SEH1L: variants seen among roughly 807,000 people sequenced by gnomAD.
SEH1L encodes nucleoporin SEH1.
SEH1L carries 18 observed loss-of-function variants against 49.5 expected under a neutral mutation model. The observed-to-expected ratio is 0.36, with a 90% CI of 0.25 to 0.54. The LOEUF is 0.54. Ranked by LOEUF, SEH1L falls within the 20% of genes least tolerant of loss-of-function variation. The probability of loss-of-function intolerance (pLI) is 0.87; values close to 1 mark genes in which losing one functional copy is unlikely to be tolerated. For missense variants in SEH1L, 404 were observed against 528.8 expected (o/e 0.76, Z 2.31); for synonymous variants, 169 against 178.1 (o/e 0.95, Z 0.41).
intron 5 of SEH1L, chr18:12,977,738 C>G (rs1310084726): frequency 6.6e-6 from 1 of 152,010 alleles, no homozygotes; most frequent in African/African-American, 2.4e-5. Context: ...ATTCCTGTTA[C>G]CAGCTTTACT....
At chr18:12,979,034 TG>T in intron 6 of SEH1L, 142 bp downstream of exon 6, 1 of 803,008 alleles carries the variant, frequency 1.2e-6, no homozygotes, top group South Asian at 1.8e-5. Context: ...AACTTTGAAA[TG>T]TTTTTTAAAA....
At chr18:12,960,920 A>G (rs539336317) in intron 3 of SEH1L, among the ~76,000 whole-genome samples, 1 of 152,230 alleles carries the variant, frequency 6.6e-6, no homozygotes, top group Non-Finnish European at 1.5e-5. Context: ...TTAGAGCCAG[A>G]GTGGAAATTT....
chr18:12,951,777 C>A, intron 1 of SEH1L, 78 bp from the exon 2 acceptor site: 1 of 838,254 alleles, frequency 1.2e-6, no homozygotes, highest in Non-Finnish European at 2.0e-6. Flanking sequence ...TTTCCTTGTA[C>A]ACTGATTCAG....
At position 12,955,592 on chromosome 18, in the gene SEH1L, C is replaced by G; in HGVS notation, c.292C>G (p.Arg98Gly). The G allele has an allele frequency of 6.2e-7, 1 of 1,613,876 alleles. No individual in the cohort carries two copies. The highest frequency in any genetic ancestry group is 8.5e-7 in the Non-Finnish European group (1 of 1,179,916). Reference sequence around the variant, plus strand: ...AGTAGGAGAATCAAATGATAAACTGCGAGGACAGAGCCACTGGGTGAGACA... The same window carrying G: ...AGTAGGAGAATCAAATGATAAACTGGGAGGACAGAGCCACTGGGTGAGACA... The part of the protein sequence containing the change: ...EIVGESNDKL[R>G]GQSHWVKRTT... Residue 98 changes from arginine to glycine, a missense_variant, in exon 3 of 9, where the codon CGA becomes GGA. Physicochemically the swap from Arg to Gly is moderately radical, Grantham distance 125 (BLOSUM62 -2). Around this residue, in one of 3 missense-constraint regions of SEH1L, gnomAD observed 342 missense variants for 430.8 expected, o/e 0.79. Coordinates refer to ENST00000399892, the MANE Select transcript of SEH1L (RefSeq NM_001013437.2).
chr18:12,986,814 C>CTTTTTTTTTTTTTTT, intron 8 of SEH1L, 48 bp from the exon 9 acceptor site: 1 of 913,812 alleles, frequency 1.1e-6, no homozygotes, highest in Non-Finnish European at 1.3e-6. Context: ...TTTTTTTTTT[C>CTTTTTTTTTTTTTTT]CTGTTTTTGT....
At chr18:12,949,814 G>A (rs1435528660) in intron 1 of SEH1L, among the ~76,000 whole-genome samples, 2 of 151,918 alleles carry the variant, frequency 1.3e-5, no homozygotes, top group African/African-American at 4.8e-5. Context: ...ACATTTTTGT[G>A]CAGCGTCGCC....
intron 5 of SEH1L, chr18:12,973,381 C>T (rs2031782872): frequency 6.6e-6 from 1 of 151,552 alleles, no homozygotes; most frequent in African/African-American, 2.4e-5. Flanking sequence ...CTCACTGCAA[C>T]CTCTACCTCC....
intron 8 of SEH1L, chr18:12,985,258 A>C (rs773316659): frequency 1.2e-6 from 2 of 1,609,110 alleles, no homozygotes; most frequent in East Asian, 4.5e-5. Flanking sequence ...GCTGAGTACA[A>C]GCTAACTGGA....
chr18:12,968,942 G>A (rs1378281657), intron 4 of SEH1L, among the ~76,000 whole-genome samples: 1 of 152,110 alleles, frequency 6.6e-6, no homozygotes, highest in Non-Finnish European at 1.5e-5. Context: ...AGGCCAGGTG[G>A]GGTGGCTCAC....
At chr18:12,964,530 T>C (rs1368057672) in intron 4 of SEH1L, 1 of 152,118 alleles carries the variant, frequency 6.6e-6, no homozygotes, top group East Asian at 1.9e-4. Context: ...TGTGGTGATG[T>C]TGATAGTTGT....
At chr18:12,973,950 A>T (rs1036738347) in intron 5 of SEH1L, 2 of 152,324 alleles carry the variant, frequency 1.3e-5, no homozygotes, top group African/African-American at 4.8e-5. Flanking sequence ...CACCTTTCCT[A>T]GAAGTATCTT....
intron 6 of SEH1L, among the ~76,000 whole-genome samples, chr18:12,980,214 A>AT (rs2032140811): frequency 2.2e-5 from 2 of 92,176 alleles, no homozygotes; most frequent in African/African-American, 8.6e-5. Context: ...CGGGGGGCTG[A>AT]CCCCCCCACC....
intron 6 of SEH1L, 149 bp from the exon 7 acceptor site, chr18:12,982,369 G>T: frequency 1.9e-6 from 1 of 518,522 alleles, no homozygotes; most frequent in Admixed American, 3.6e-5. Flanking sequence ...TGGGGTTTGG[G>T]CAGATGTGCA....
chr18:12,957,795 C>T (rs1198025003), intron 3 of SEH1L, among the ~76,000 whole-genome samples: 4 of 152,182 alleles, frequency 2.6e-5, no homozygotes, highest in African/African-American at 9.7e-5. Flanking sequence ...CAGCTCATTG[C>T]AGTCTCAACC....
At chr18:12,961,336 T>G (rs1166274036) in intron 3 of SEH1L, among the ~76,000 whole-genome samples, 1 of 152,182 alleles carries the variant, frequency 6.6e-6, no homozygotes, top group Non-Finnish European at 1.5e-5. Flanking sequence ...TTCTATCTGT[T>G]GGGAGACTAC....
chr18:12,953,191 T>C (rs899770523), intron 2 of SEH1L, among the ~76,000 whole-genome samples: 5 of 152,240 alleles, frequency 3.3e-5, no homozygotes, highest in African/African-American at 9.6e-5. Context: ...TATTGTGTCA[T>C]GTGTCAATTT....
rs867286973 is a variant in SEH1L, at chr18:12,980,036, A to G, written c.761+1144A>G. ...CACCTCCCTCCCGGACGGGCGGCTG[A>G]CCCCCCCACCTCCCTCCTGGACGGG... On this transcript the variant is annotated intron_variant, in intron 6 of 8. Transcript: ENST00000399892. Among the ~76,000 whole-genome samples, 173 of 73,786 alleles carry G rather than the reference A, an allele frequency of 2.3e-3. 5 individuals are homozygous for G. In the East Asian group the frequency reaches 0.028, roughly 12 times the overall value. The allele number at this position is 73,786 out of a possible 152,430, so 48.4% of individuals were successfully genotyped here.
At chr18:12,980,812 G>A (rs1188995815) in intron 6 of SEH1L, among the ~76,000 whole-genome samples, 3 of 116,626 alleles carry the variant, frequency 2.6e-5, no homozygotes, top group South Asian at 3.4e-4. Context: ...GCGGCTGGCC[G>A]GGCGGGGGGC....
chr18:12,985,500 T>C (rs538443382), intron 8 of SEH1L: 19 of 1,238,586 alleles, frequency 1.5e-5, no homozygotes, highest in Middle Eastern at 3.1e-4. Flanking sequence ...TGTTGAGACA[T>C]TGTCACCAAA....
Sources: allele counts gnomAD v4.1 joint callset (sites outside exome capture counted in the v4.1 genomes callset), GRCh38; gene constraint gnomAD v4.1.1; regional missense constraint gnomAD v4.1.1; transcripts MANE v1.5; gene names NCBI Gene and HGNC (gene_info 2026-07-23, HGNC 2026-07-21).